C10orf71: variants seen among roughly 807,000 people sequenced by gnomAD.
C10orf71 encodes the protein cardiac-enriched FHL2-interacting protein.
For missense variants in C10orf71, 1,869 were observed against 1,804.5 expected, an observed-to-expected ratio of 1.04 and a Z score of -0.65; for synonymous variants, 758 against 726.3, an observed-to-expected ratio of 1.04 and a Z score of -0.70.
chr10:49,323,706 CA>C lies in C10orf71; in HGVS notation c.1167del (p.Glu392LysfsTer7), dbSNP rs748396302. Reference protein sequence around the residue: ...QPPWRKPKTGKKGKESLQDTL... With the variant: ...QPPWRKPKTGXKGKESLQDTL... ...CCCCATGGAGGAAGCCAAAGACTGG[CA>C]AAAAAGGGAAAGAAAGTCTACAAGA... On this transcript the variant is annotated frameshift_variant, in exon 3 of 3. Coordinates refer to ENST00000374144, the MANE Select transcript of C10orf71 (RefSeq NM_001135196.2). LOFTEE classifies it low-confidence loss of function (END_TRUNC). The C allele has an allele frequency of 8.7e-6, 14 of 1,613,232 alleles. No homozygotes were observed. In the Admixed American group the frequency reaches 1.8e-4, roughly 21 times the overall value.
At position 49,318,899 on chromosome 10, in the gene C10orf71, G is replaced by T. The variant is rs1247945894; in HGVS notation, c.-145+2652G>T. ...ACTCAGCAAGGGGATGTGGAGCCAG[G>T]CAGGATCTGGGGCTTCTGACATGTG... On this transcript the variant is annotated intron_variant, in intron 2 of 2. Transcript: ENST00000374144. Among the ~76,000 whole-genome samples the T allele has an allele frequency of 3.9e-5, 6 of 152,364 alleles. No individual in the cohort carries two copies. The East Asian group carries it at 7.7e-4, about 20-fold the overall frequency.
At position 49,323,483 on chromosome 10, in the gene C10orf71, G is replaced by C. The variant is rs199520432; in HGVS notation, c.938G>C (p.Arg313Thr). 101 of 1,613,742 alleles carry C rather than the reference G, an allele frequency of 6.3e-5. No individual in the cohort carries two copies. Among genetic ancestry groups the C allele is most frequent in the Non-Finnish European group, 7.6e-6 (9 of 1,179,772 alleles). ...CACTATGGGGACACGACCTTGCTAA[G>C]AGAACCCTGTCCTCCTGAGCGCACA... ...PKHYGDTTLL[R>T]EPCPPERTVS... Residue 313 changes from arginine to threonine, a missense_variant, in exon 3 of 3, where the codon AGA (arginine) becomes ACA (threonine). Transcript: ENST00000374144.
chr10:49,323,561 C>T lies in C10orf71; in HGVS notation c.1016C>T (p.Ala339Val), dbSNP rs55780106. The T allele has an allele frequency of 1.2e-6, 2 of 1,604,962 alleles. No homozygotes were observed. Among genetic ancestry groups the T allele is most frequent in the Admixed American group, 3.4e-5 (2 of 59,272 alleles). The change falls in exon 3 of 3, where the codon GCA becomes GTA. Residue 339 changes from alanine to valine, a missense_variant. By Grantham distance (64) the Ala-to-Val change is moderately conservative. Transcript: ENST00000374144. ...ASCSQEENRL[A>V]AGALSTSIPW... The stretch of plus-strand genomic sequence containing the variant: ...TGCAGTCAGGAAGAGAACAGACTTG[C>T]AGCAGGGGCTCTGTCCACATCTATA...
rs140186956 is a variant in C10orf71, at chr10:49,322,726, C to G, written c.181C>G (p.Arg61Gly). The G allele has an allele frequency of 4.3e-6, 7 of 1,613,884 alleles. No homozygotes were observed. Among genetic ancestry groups the G allele is most frequent in the Middle Eastern group, 3.3e-4 (2 of 6,062 alleles). The stretch of plus-strand genomic sequence containing the variant: ...TCTGGCTGTGTCCCCGGATATCACC[C>G]GACAGGTGTTTGGGACTTTTCACCA... ...SYLAVSPDIT[R>G]QVFGTFHQRT... Residue 61 changes from arginine (R) to glycine (G), a missense_variant, in exon 3 of 3, where the codon CGA (arginine) becomes GGA (glycine). Coordinates refer to ENST00000374144, the MANE Select transcript of C10orf71 (RefSeq NM_001135196.2).
intron 1 of C10orf71, among the ~76,000 whole-genome samples, chr10:49,308,896 G>A (rs1364918655): frequency 6.6e-6 from 1 of 152,230 alleles, no homozygotes; most frequent in African/African-American, 2.4e-5. Context: ...ATGCTGAGGA[G>A]GCATCAACCT....
chr10:49,308,533 C>T (rs1219422632), intron 1 of C10orf71, among the ~76,000 whole-genome samples: 2 of 152,216 alleles, frequency 1.3e-5, no homozygotes, highest in African/African-American at 2.4e-5. Context: ...CACAATGACC[C>T]TTATGTATAT....
intron 2 of C10orf71, among the ~76,000 whole-genome samples, chr10:49,317,519 G>A (rs556461111): frequency 6.6e-6 from 1 of 152,192 alleles, no homozygotes; most frequent in South Asian, 2.1e-4. Context: ...GGTTATTAAG[G>A]TGGGCCCTAA....
Position 49,325,235 on chromosome 10 carries a change from C to T in C10orf71, c.2690C>T (p.Pro897Leu), listed in dbSNP as rs759223444. ...CACAAAGAGGAGGAATTGCCAAGGC[C>T]AGAATGGGGTGAGGATCCTGGGTTT... ...SGHKEEELPR[P>L]EWGEDPGFCA... Residue 897 changes from proline to leucine, a missense_variant, in exon 3 of 3, where the codon CCA (proline) becomes CTA (leucine). Pro to Leu is a moderately conservative substitution (Grantham distance 98). Coordinates refer to ENST00000374144, the MANE Select transcript of C10orf71 (RefSeq NM_001135196.2). The T allele has an allele frequency of 2.6e-6, 4 of 1,551,776 alleles. No individual in the cohort carries two copies. Among genetic ancestry groups the T allele is most frequent in the Admixed American group, 3.9e-5 (2 of 50,990 alleles).
Position 49,323,301 on chromosome 10 carries a change from T to A in C10orf71, c.756T>A (p.Ser252=), listed in dbSNP as rs780029766. Residue 252 remains serine, a synonymous_variant, in exon 3 of 3, where the codon TCT becomes TCA. Coordinates refer to ENST00000374144, the MANE Select transcript of C10orf71 (RefSeq NM_001135196.2). ...CCTTATGTGAGTCAAAGTTCCCCTC[T>A]CCACACCACAAGCCAGTCACGGGTG... ...TATLCESKFP[S]PHHKPVTGEP... is the part of the protein sequence containing the mutation. 2 of 1,613,392 alleles carry A rather than the reference T, an allele frequency of 1.2e-6. No homozygotes were observed. The highest frequency in any genetic ancestry group is 1.7e-5 in the Admixed American group (1 of 59,906).
Position 49,322,644 on chromosome 10 carries a change from A to G in C10orf71, c.99A>G (p.Thr33=). 1.9e-6 allele frequency: 3 copies of G among 1,613,640 alleles called. No homozygotes were observed. Among genetic ancestry groups the G allele is most frequent in the Non-Finnish European group, 2.5e-6 (3 of 1,179,720 alleles). Reference sequence around the variant, plus strand: ...CAGACAGGGAGGTGAGCAGCCTAACAGACCGGGCATTCCGGAGTTTGTGCA... The same window carrying G: ...CAGACAGGGAGGTGAGCAGCCTAACGGACCGGGCATTCCGGAGTTTGTGCA... ...DDADREVSSL[T]DRAFRSLCIS... is the part of the protein sequence containing the mutation. Residue 33 remains threonine, a synonymous_variant, in exon 3 of 3, where the codon ACA becomes ACG. Transcript: ENST00000374144.
At position 49,327,220 on chromosome 10, in the gene C10orf71, GGTC is replaced by G. The variant is rs966851428; in HGVS notation, c.*368_*370del. 2 of 424,260 alleles carry G rather than the reference GGTC, an allele frequency of 4.7e-6. No individual in the cohort carries two copies. The highest frequency in any genetic ancestry group is 4.2e-5 in the African/African-American group (2 of 48,064). 26.3% of individuals were successfully genotyped at this position (424,260 alleles called of 1,614,324 possible). A position where few individuals can be genotyped will look rare whatever the true frequency, so the allele number is the denominator to read the frequency against. On this transcript the variant is annotated 3_prime_UTR_variant, in exon 3 of 3. Transcript: ENST00000374144. ...GGTGGGTGTGGCAAGGGCACCGCCT[GGTC>G]CCAAGTGTCCCTCTGTACCCACACC...
chr10:49,297,730 G>C (rs916462579), upstream of C10orf71, among the ~76,000 whole-genome samples: 1 of 152,222 alleles, frequency 6.6e-6, no homozygotes, highest in Non-Finnish European at 1.5e-5. Context: ...AATGGAGCCA[G>C]GGCTCAAAAT....
Position 49,327,124 on chromosome 10 carries a change from T to C in C10orf71, c.*271T>C. On this transcript the variant is annotated 3_prime_UTR_variant, in exon 3 of 3. Coordinates refer to ENST00000374144, the MANE Select transcript of C10orf71 (RefSeq NM_001135196.2). ...GTGCCAGTTCCCAGGCGCACTCTAC[T>C]CCAGCCCTTCTCCCTCCCTCCCTTC... 4.4e-6 allele frequency: 5 copies of C among 1,138,862 alleles called. No individual in the cohort carries two copies. The highest frequency in any genetic ancestry group is 5.9e-6 in the Non-Finnish European group (5 of 840,410). 70.5% of individuals were successfully genotyped at this position (1,138,862 alleles called of 1,614,324 possible). A position where few individuals can be genotyped will look rare whatever the true frequency, so the allele number is the denominator to read the frequency against.
chr10:49,320,459 G>A (rs1849075757), intron 2 of C10orf71, among the ~76,000 whole-genome samples: 1 of 152,192 alleles, frequency 6.6e-6, no homozygotes, highest in African/African-American at 2.4e-5. Flanking sequence ...TGGGATGAGG[G>A]GCAATCAGCG....
At chr10:49,317,439 A>C (rs1358269041) in intron 2 of C10orf71, among the ~76,000 whole-genome samples, 1 of 152,176 alleles carries the variant, frequency 6.6e-6, no homozygotes, top group Non-Finnish European at 1.5e-5. Context: ...AAAAAATCGT[A>C]ACTCTCATTA....
intron 2 of C10orf71, among the ~76,000 whole-genome samples, chr10:49,316,840 A>T (rs1849007713): frequency 6.6e-6 from 1 of 152,148 alleles, no homozygotes. Flanking sequence ...AGGCACCTTG[A>T]CTTTCAGCCC....
chr10:49,324,803 G>A lies in C10orf71; in HGVS notation c.2258G>A (p.Arg753Gln), dbSNP rs755363464. 2.0e-5 allele frequency: 31 copies of A among 1,552,128 alleles called. No individual in the cohort carries two copies. Among genetic ancestry groups the A allele is most frequent in the Middle Eastern group, 1.7e-4 (1 of 5,994 alleles). ...QQKMWFTENQ[R>Q]EDRRKDVSAG... The stretch of plus-strand genomic sequence containing the variant: ...AAGATGTGGTTTACTGAGAACCAGC[G>A]GGAAGACAGGAGGAAGGATGTGAGT... The change falls in exon 3 of 3, where the codon CGG (arginine) becomes CAG (glutamine). Residue 753 changes from arginine to glutamine, a missense_variant. Arg to Gln is a conservative substitution (Grantham distance 43). Coordinates refer to ENST00000374144, the MANE Select transcript of C10orf71 (RefSeq NM_001135196.2).
chr10:49,322,819 C>A lies in C10orf71; in HGVS notation c.274C>A (p.His92Asn). The A allele has an allele frequency of 6.2e-7, 1 of 1,613,956 alleles. No individual in the cohort carries two copies. Among genetic ancestry groups the A allele is most frequent in the Non-Finnish European group, 8.5e-7 (1 of 1,179,876 alleles). The change falls in exon 3 of 3, where the codon CAT (histidine) becomes AAT (asparagine). Residue 92 changes from histidine to asparagine, a missense_variant. Physicochemically the swap from His to Asn is moderately conservative, Grantham distance 68. Coordinates refer to ENST00000374144, the MANE Select transcript of C10orf71 (RefSeq NM_001135196.2). ...WSQLPSQGTE[H>N]SGWAATFQQL... ...CCAGTTACCGTCACAGGGCACGGAA[C>A]ATTCGGGCTGGGCGGCCACCTTCCA... is the stretch of plus-strand genomic sequence containing the variant.
At position 49,323,559 on chromosome 10, in the gene C10orf71, T is replaced by C. The variant is rs7093235; in HGVS notation, c.1014T>C (p.Leu338=). The C allele has an allele frequency of 0.99, 1,594,744 of 1,605,678 alleles. 792,538 individuals are homozygous for C. Among genetic ancestry groups the C allele is most frequent in the East Asian group, 1 (44,734 of 44,734 alleles). Residue 338 remains leucine, a synonymous_variant, in exon 3 of 3, where the codon CTT becomes CTC. Coordinates refer to ENST00000374144, the MANE Select transcript of C10orf71 (RefSeq NM_001135196.2). ...GCTGCAGTCAGGAAGAGAACAGACT[T>C]GCAGCAGGGGCTCTGTCCACATCTA... The part of the protein sequence containing the change: ...QASCSQEENR[L]AAGALSTSIP...
Sources: allele counts gnomAD v4.1 joint callset (sites outside exome capture counted in the v4.1 genomes callset), GRCh38; gene constraint gnomAD v4.1.1; transcripts MANE v1.5; gene names NCBI Gene and HGNC (gene_info 2026-07-23, HGNC 2026-07-21).